The following DAB1 variants were observed in gnomAD, a reference collection of about 807,000 sequenced individuals.
DAB1 encodes DAB adaptor protein 1, also known as disabled homolog 1.
DAB1 carries 15 observed loss-of-function variants against 64.6 expected under a neutral mutation model. The observed-to-expected ratio is 0.23, with a 90% CI of 0.16 to 0.36. DAB1 has a LOEUF of 0.36. DAB1 is among the 10% of genes least tolerant of loss of function. The probability of loss-of-function intolerance (pLI) is 1.00; values close to 1 mark genes in which losing one functional copy is unlikely to be tolerated. For synonymous variants in DAB1, 235 were observed against 251.9 expected, an observed-to-expected ratio of 0.93 and a Z score of 0.64; for missense variants, 596 against 706.7, an observed-to-expected ratio of 0.84 and a Z score of 1.78.
At chr1:57,800,966 G>T (rs1333162790) in intron 6 of DAB1, among the ~76,000 whole-genome samples, 1 of 152,160 alleles carries the variant, frequency 6.6e-6, no homozygotes, top group East Asian at 1.9e-4. Flanking sequence ...TGCCAAGCTT[G>T]AAATTGGTGC....
At chr1:57,101,159 A>T (rs1289456869) in intron 4 of DAB1, among the ~76,000 whole-genome samples, 2 of 152,130 alleles carry the variant, frequency 1.3e-5, no homozygotes, top group African/African-American at 4.8e-5. Context: ...CTACTCAGGG[A>T]CTTGTGAATG....
chr1:57,063,775 A>G (rs1327150270), intron 8 of DAB1, among the ~76,000 whole-genome samples: 2 of 152,376 alleles, frequency 1.3e-5, no homozygotes, highest in East Asian at 3.9e-4. Flanking sequence ...TCATTTAAAT[A>G]TATACGAACA....
intron 4 of DAB1, among the ~76,000 whole-genome samples, chr1:58,262,331 T>G (rs959088306): frequency 1.3e-5 from 2 of 152,118 alleles, no homozygotes; most frequent in African/African-American, 4.8e-5. Context: ...TCCTGAAGGA[T>G]TAAGCCTGAT....
At chr1:57,616,672 A>C (rs1181874461) in intron 7 of DAB1, among the ~76,000 whole-genome samples, 1 of 152,128 alleles carries the variant, frequency 6.6e-6, no homozygotes, top group Non-Finnish European at 1.5e-5. Flanking sequence ...ATTCTTTTTA[A>C]AGGGGCTAAG....
At chr1:57,710,395 T>C (rs1215266486) in intron 6 of DAB1, among the ~76,000 whole-genome samples, 1 of 152,154 alleles carries the variant, frequency 6.6e-6, no homozygotes, top group African/African-American at 2.4e-5. Context: ...AAAGAAAAAG[T>C]TTTCACCATC....
chr1:57,547,405 T>C (rs1267954078), intron 7 of DAB1, among the ~76,000 whole-genome samples: 1 of 152,228 alleles, frequency 6.6e-6, no homozygotes, highest in African/African-American at 2.4e-5. Context: ...ATTTAATTCT[T>C]CTAAAGGAAA....
intron 5 of DAB1, among the ~76,000 whole-genome samples, chr1:58,135,186 T>C (rs1426150279): frequency 6.6e-6 from 1 of 152,192 alleles, no homozygotes; most frequent in East Asian, 1.9e-4. Context: ...TTGTCAGTCA[T>C]TATGATCTCT....
chr1:57,700,831 C>T (rs1277740325), intron 6 of DAB1, among the ~76,000 whole-genome samples: 1 of 152,134 alleles, frequency 6.6e-6, no homozygotes, highest in Non-Finnish European at 1.5e-5. Context: ...CTTAGATTTA[C>T]TCTTATGATG....
intron 6 of DAB1, among the ~76,000 whole-genome samples, chr1:57,666,480 A>C (rs1027921569): frequency 4.6e-5 from 7 of 152,150 alleles, no homozygotes; most frequent in Admixed American, 2.6e-4. Context: ...AAAAGGTGAG[A>C]GAGATATGCA....
chr1:57,167,403 T>G (rs1344173925), intron 2 of DAB1, among the ~76,000 whole-genome samples: 1 of 152,166 alleles, frequency 6.6e-6, no homozygotes, highest in Non-Finnish European at 1.5e-5. Flanking sequence ...ACCCCTTGTA[T>G]GCTTCTACGA....
At chr1:58,507,819 A>C (rs576164823) in intron 2 of DAB1, among the ~76,000 whole-genome samples, 1 of 152,300 alleles carries the variant, frequency 6.6e-6, no homozygotes, top group South Asian at 2.1e-4. Flanking sequence ...ATAAAAATAC[A>C]GGCTGAGATT....
intron 5 of DAB1, among the ~76,000 whole-genome samples, chr1:57,967,785 CAT>C (rs1645703299): frequency 1.3e-5 from 2 of 152,120 alleles, no homozygotes; most frequent in African/African-American, 4.8e-5. Flanking sequence ...GGGCTCAACT[CAT>C]AGTAAGTGTT....
intron 2 of DAB1, among the ~76,000 whole-genome samples, chr1:57,281,373 T>A (rs965951479): frequency 6.6e-6 from 1 of 152,134 alleles, no homozygotes; most frequent in Non-Finnish European, 1.5e-5. Flanking sequence ...AAAGAATACA[T>A]GGAGTTAGCT....
intron 9 of DAB1, among the ~76,000 whole-genome samples, chr1:57,041,440 G>A (rs1234357898): frequency 6.6e-6 from 1 of 152,194 alleles, no homozygotes; most frequent in Non-Finnish European, 1.5e-5. Context: ...GTACCAGGCT[G>A]AGCATTTTTA....
chr1:57,444,029 T>C, intron 7 of DAB1, among the ~76,000 whole-genome samples: 1 of 152,152 alleles, frequency 6.6e-6, no homozygotes, highest in South Asian at 2.1e-4. Context: ...ATCATCAGCT[T>C]ACTCCATGTG....
chr1:58,499,308 T>G (rs1316501719), intron 3 of DAB1, among the ~76,000 whole-genome samples: 18 of 104,704 alleles, frequency 1.7e-4, no homozygotes, highest in African/African-American at 6.7e-4. Context: ...CAAGACCACA[T>G]CTCTACAAAA....
chr1:57,781,086 TTCTCTCTCTCTCTCTCTC>T (rs1180662610), intron 6 of DAB1, among the ~76,000 whole-genome samples: 4 of 42,098 alleles, frequency 9.5e-5, no homozygotes, highest in Non-Finnish European at 2.0e-4. Context: ...TTTGAGATCA[TTCTCTCTCTCTCTCTCTC>T]TCTCTCTCTC....
At chr1:57,576,887 A>ATGTTT (rs1376161095) in intron 7 of DAB1, among the ~76,000 whole-genome samples, 1 of 152,112 alleles carries the variant, frequency 6.6e-6, no homozygotes, top group African/African-American at 2.4e-5. Context: ...CGCTTGCCAC[A>ATGTTT]TGTTTGCCTT....
intron 4 of DAB1, among the ~76,000 whole-genome samples, chr1:58,190,750 A>G (rs1270843743): frequency 6.6e-6 from 1 of 152,268 alleles, no homozygotes; most frequent in Non-Finnish European, 1.5e-5. Flanking sequence ...CTGCCAGGAA[A>G]CATCTTTGGA....
Sources: gnomAD v4.1 joint callset for allele counts (sites outside exome capture counted in the v4.1 genomes callset) on GRCh38, gnomAD v4.1.1 for gene constraint, MANE v1.5 for transcripts, NCBI Gene and HGNC (gene_info 2026-07-23, HGNC 2026-07-21) for gene names.